The following ADAP1 variants were observed in gnomAD, a reference collection of about 807,000 sequenced individuals.
ADAP1 encodes ArfGAP with dual PH domains 1.
ADAP1 carries 31 observed loss-of-function variants against 54.9 expected under a neutral mutation model. The ratio of observed to expected loss-of-function variants is 0.56; its 90% CI spans 0.42 to 0.76. The LOEUF (loss-of-function observed/expected upper bound fraction) is 0.76, where lower values mean the gene tolerates loss of function less well. Ranked by LOEUF, ADAP1 falls within the 30% of genes least tolerant of loss-of-function variation. ADAP1 has a pLI of 0.00. For synonymous variants in ADAP1, 313 were observed against 202.6 expected (o/e 1.55, Z -4.63); for missense variants, 535 against 512.4 (o/e 1.04, Z -0.42).
At chr7:913,349 C>T (rs184233198) in intron 4 of ADAP1, among the ~76,000 whole-genome samples, 92 of 151,934 alleles carry the variant, frequency 6.1e-4, no homozygotes, top group South Asian at 6.3e-4. Flanking sequence ...TACAGGCGCC[C>T]GCCACCACAC....
At chr7:905,280 ACGGAC>A in intron 4 of ADAP1, 108 bp from the exon 5 acceptor site, 1 of 321,392 alleles carries the variant, frequency 3.1e-6, no homozygotes, top group South Asian at 2.2e-5. Flanking sequence ...CACGGGGGAC[ACGGAC>A]GGGGGACACG....
intron 3 of ADAP1, among the ~76,000 whole-genome samples, chr7:921,747 C>T (rs568772278): frequency 1.4e-4 from 21 of 152,234 alleles, no homozygotes; most frequent in African/African-American, 5.1e-4. Flanking sequence ...TAGCACCCAG[C>T]GTCCCATGAC....
chr7:905,414 A>AAAG (rs1562911762), intron 4 of ADAP1: 2 of 112,886 alleles, frequency 1.8e-5, no homozygotes, highest in Non-Finnish European at 2.8e-5. Context: ...GGAGAAAGGG[A>AAAG]GAAAGAGAAA....
Position 920,271 on chromosome 7 carries a change from C to T in ADAP1, c.306-221G>A, listed in dbSNP as rs939844817. ...TTAGTTTATTGGTTTCTTGTGCGTTCGGCCCCCGGAGCATCAGGCCTCACG... is the reference window on the plus strand; with the variant it reads ...TTAGTTTATTGGTTTCTTGTGCGTTTGGCCCCCGGAGCATCAGGCCTCACG... On this transcript the variant is annotated intron_variant, in intron 3 of 10. Coordinates refer to ENST00000265846, the MANE Select transcript of ADAP1 (RefSeq NM_006869.4). The surrounding 1 kb of genome is among the most constrained non-coding windows in gnomAD (Gnocchi z 4.5). Among the ~76,000 whole-genome samples, 2 of 152,220 alleles carry T rather than the reference C, an allele frequency of 1.3e-5. No homozygotes were observed. The highest frequency in any genetic ancestry group is 6.5e-5 in the Admixed American group (1 of 15,302).
intron 4 of ADAP1, among the ~76,000 whole-genome samples, chr7:915,255 A>G (rs116629998): frequency 6.9e-4 from 49 of 70,622 alleles, no homozygotes; most frequent in Middle Eastern, 9.4e-3. Flanking sequence ...TGTGCATCTC[A>G]CCTGTGCCGC....
intron 2 of ADAP1, among the ~76,000 whole-genome samples, chr7:933,401 C>T (rs1002706587): frequency 1.3e-5 from 2 of 152,188 alleles, no homozygotes; most frequent in Non-Finnish European, 2.9e-5. Flanking sequence ...AACAAGCCTC[C>T]AGGTGTGACC....
intron 1 of ADAP1, among the ~76,000 whole-genome samples, chr7:937,383 G>A (rs1392677140): frequency 7.1e-5 from 3 of 42,510 alleles, no homozygotes; most frequent in African/African-American, 1.0e-4. Context: ...GGGATTTGGG[G>A]GTCACGCCCG....
intron 6 of ADAP1, chr7:901,129 G>T: frequency 2.3e-6 from 1 of 434,888 alleles, no homozygotes. Flanking sequence ...TGCTCTCCAG[G>T]GAGCCGCCCT....
At chr7:927,349 C>T (rs563818924) in intron 2 of ADAP1, 2 of 830,540 alleles carry the variant, frequency 2.4e-6, no homozygotes, top group South Asian at 3.1e-5. Context: ...AATGACCCTG[C>T]CGCCAGCCAG....
In ADAP1 at chr7:920,819, C is replaced by CCA; in HGVS notation, c.306-771_306-770dup. The CCA allele has an allele frequency of 6.5e-7, 1 of 1,550,260 alleles. No individual in the cohort carries two copies. The highest frequency in any genetic ancestry group is 8.7e-7 in the Non-Finnish European group (1 of 1,146,898). On this transcript the variant is annotated intron_variant, in intron 3 of 10. Transcript: ENST00000265846. The surrounding 1 kb of genome is among the most constrained non-coding windows in gnomAD (Gnocchi z 4.5). ...CCAATACCATTGCAGAAACCACGAC[C>CCA]CACACACAGGCCCGGCACGGCCCAG...
In ADAP1 at chr7:898,867, C is replaced by A; in HGVS notation, c.*54G>T. 1.3e-6 allele frequency: 2 copies of A among 1,562,158 alleles called. No homozygotes were observed. The highest frequency in any genetic ancestry group is 2.3e-5 in the South Asian group (2 of 85,274). On this transcript the variant is annotated 3_prime_UTR_variant, in exon 11 of 11. Coordinates refer to ENST00000265846, the MANE Select transcript of ADAP1 (RefSeq NM_006869.4). ...CGCCAGAGCCCCCCCATCCACGGGTCCCCTCCGTCCAGCCACAGTGAGTCC... is the reference window on the plus strand; with the variant it reads ...CGCCAGAGCCCCCCCATCCACGGGTACCCTCCGTCCAGCCACAGTGAGTCC...
intron 2 of ADAP1, among the ~76,000 whole-genome samples, chr7:928,659 C>G: frequency 6.6e-6 from 1 of 152,224 alleles, no homozygotes; most frequent in East Asian, 1.9e-4. Context: ...CCTCAATGAG[C>G]TACCACCTCT....
intron 8 of ADAP1, 47 bp downstream of exon 8, chr7:900,055 C>A (rs2128632586): frequency 6.2e-7 from 1 of 1,608,324 alleles, no homozygotes; most frequent in Non-Finnish European, 8.5e-7. Context: ...CGAGACCCAC[C>A]ATGGCGTACC....
chr7:907,321 T>G (rs565894629), intron 4 of ADAP1, among the ~76,000 whole-genome samples: 1 of 151,802 alleles, frequency 6.6e-6, no homozygotes, highest in Non-Finnish European at 1.5e-5. Context: ...GGCAGAGATA[T>G]GAGGACAGGA....
intron 2 of ADAP1, among the ~76,000 whole-genome samples, chr7:934,508 C>T (rs73254063): frequency 0.018 from 2,692 of 152,194 alleles, 85 homozygotes; most frequent in African/African-American, 0.06. Flanking sequence ...CACCTCCATG[C>T]GGCCCTTCGG....
At chr7:939,276 A>G (rs1177723230) in intron 1 of ADAP1, among the ~76,000 whole-genome samples, 3 of 151,994 alleles carry the variant, frequency 2.0e-5, no homozygotes, top group African/African-American at 4.8e-5. Context: ...CTGGAGTGCA[A>G]TGGTGTGATC....
chr7:929,012 G>C (rs896980797), intron 2 of ADAP1, among the ~76,000 whole-genome samples: 1 of 152,202 alleles, frequency 6.6e-6, no homozygotes, highest in East Asian at 1.9e-4. Flanking sequence ...GAGGAATGCC[G>C]GCCGGGCGCG....
intron 1 of ADAP1, among the ~76,000 whole-genome samples, chr7:944,470 T>C (rs1847089521): frequency 6.6e-6 from 1 of 152,146 alleles, no homozygotes; most frequent in Admixed American, 6.5e-5. Context: ...GCCAGGCTGG[T>C]CTCAAACTCC....
chr7:908,729 C>A (rs1339876942), intron 4 of ADAP1, among the ~76,000 whole-genome samples: 1 of 152,250 alleles, frequency 6.6e-6, no homozygotes, highest in African/African-American at 2.4e-5. Flanking sequence ...CCGAGAAGTG[C>A]CCGGGGAGGC....
Sources: allele counts gnomAD v4.1 joint callset (sites outside exome capture counted in the v4.1 genomes callset), GRCh38; gene constraint gnomAD v4.1.1; non-coding constraint Gnocchi (gnomAD v3.1); transcripts MANE v1.5; gene names NCBI Gene and HGNC (gene_info 2026-07-23, HGNC 2026-07-21).